Variants in ATP8A2 observed in about 807,000 individuals in gnomAD.
ATP8A2 encodes ATPase phospholipid transporting 8A2.
ATP8A2 carries 100 observed loss-of-function variants against 165.6 expected under a neutral mutation model. That is an observed-to-expected ratio of 0.60 (90% confidence interval 0.51 to 0.71). The LOEUF (loss-of-function observed/expected upper bound fraction) is 0.71. ATP8A2 is among the 30% of genes least tolerant of loss of function. The probability of loss-of-function intolerance (pLI) is 0.00; values close to 1 mark genes in which losing one functional copy is unlikely to be tolerated. For synonymous variants in ATP8A2, 543 were observed against 548.8 expected, an observed-to-expected ratio of 0.99 and a Z score of 0.15; for missense variants, 1,227 against 1,479.5, an observed-to-expected ratio of 0.83 and a Z score of 2.80.
At chr13:25,655,636 GCCT>G (rs1258370982) in intron 24 of ATP8A2, among the ~76,000 whole-genome samples, 1 of 151,830 alleles carries the variant, frequency 6.6e-6, no homozygotes, top group African/African-American at 2.4e-5. Flanking sequence ...GCTATCTGAT[GCCT>G]CTAACTGGGA....
At chr13:25,871,824 T>G (rs1306084503) in intron 33 of ATP8A2, among the ~76,000 whole-genome samples, 1 of 152,204 alleles carries the variant, frequency 6.6e-6, no homozygotes, top group African/African-American at 2.4e-5. Context: ...CGCTTGTGTC[T>G]GTGCTTGTAT....
intron 24 of ATP8A2, among the ~76,000 whole-genome samples, chr13:25,623,773 A>G (rs2041032921): frequency 6.6e-6 from 1 of 152,136 alleles, no homozygotes; most frequent in African/African-American, 2.4e-5. Flanking sequence ...ACGTGTATAT[A>G]TACACATGCA....
At chr13:25,944,048 G>A (rs1955144113) in intron 33 of ATP8A2, among the ~76,000 whole-genome samples, 1 of 152,182 alleles carries the variant, frequency 6.6e-6, no homozygotes, top group South Asian at 2.1e-4. Flanking sequence ...TTTATGTATG[G>A]TAAAGTCAGA....
intron 2 of ATP8A2, among the ~76,000 whole-genome samples, chr13:25,507,952 A>T (rs1253035455): frequency 6.6e-6 from 1 of 152,206 alleles, no homozygotes; most frequent in Non-Finnish European, 1.5e-5. Context: ...CCAGTGGGAA[A>T]ATGGGCAAAG....
chr13:25,829,993 A>G (rs1328499990), intron 28 of ATP8A2, among the ~76,000 whole-genome samples: 2 of 150,852 alleles, frequency 1.3e-5, no homozygotes, highest in African/African-American at 4.9e-5. Context: ...AATCTCAGAC[A>G]TATTGCAGTT....
intron 24 of ATP8A2, among the ~76,000 whole-genome samples, chr13:25,697,848 T>C (rs2042866739): frequency 6.6e-6 from 1 of 152,232 alleles, no homozygotes; most frequent in South Asian, 2.1e-4. Flanking sequence ...TGCAGGGCTC[T>C]AGACTACATC....
intron 25 of ATP8A2, among the ~76,000 whole-genome samples, chr13:25,739,233 C>T (rs956057120): frequency 1.3e-5 from 2 of 152,160 alleles, no homozygotes; most frequent in Non-Finnish European, 1.5e-5. Flanking sequence ...GGCACCTTGG[C>T]GATGCCTTTA....
Position 25,551,342 on chromosome 13 carries a change from C to T in ATP8A2, c.896C>T (p.Ser299Leu). ...TGHDTKLMQNSTKAPLKRSNV... is the reference protein window; with the variant it reads ...TGHDTKLMQNLTKAPLKRSNV... ...ACTTTCAATGCTGTTGTGTAGAATT[C>T]AACCAAAGCGCCTCTCAAGAGATCA... The change falls in exon 11 of 37, where the codon TCA (serine) becomes TTA (leucine). Residue 299 changes from serine to leucine, a missense_variant. Coordinates refer to ENST00000381655, the MANE Select transcript of ATP8A2 (RefSeq NM_016529.6). 1 of 1,613,302 alleles carries T rather than the reference C, an allele frequency of 6.2e-7. No individual in the cohort carries two copies. Among genetic ancestry groups the T allele is most frequent in the Non-Finnish European group, 8.5e-7 (1 of 1,179,476 alleles).
intron 1 of ATP8A2, among the ~76,000 whole-genome samples, chr13:25,386,734 C>A (rs1593238072): frequency 6.6e-6 from 1 of 152,128 alleles, no homozygotes; most frequent in South Asian, 2.1e-4. Context: ...CGGAGGCTCA[C>A]GCCTGTAATC....
chr13:26,003,303 A>AT (rs746507648), intron 35 of ATP8A2, among the ~76,000 whole-genome samples: 30 of 151,614 alleles, frequency 2.0e-4, no homozygotes, highest in Non-Finnish European at 3.7e-4. Flanking sequence ...CATTCTTCAT[A>AT]TACCTGTTGG....
intron 2 of ATP8A2, among the ~76,000 whole-genome samples, chr13:25,528,543 G>A (rs991309758): frequency 6.6e-6 from 1 of 152,124 alleles, no homozygotes; most frequent in Admixed American, 6.5e-5. Context: ...TCCAGGCTTG[G>A]TTGCTGTCCA....
chr13:25,413,652 A>G (rs1293511962), intron 1 of ATP8A2, among the ~76,000 whole-genome samples: 1 of 152,210 alleles, frequency 6.6e-6, no homozygotes, highest in East Asian at 1.9e-4. Context: ...CCTTAAGTGT[A>G]GTGTGGAGTT....
At chr13:25,475,731 A>G (rs1361491178) in intron 2 of ATP8A2, among the ~76,000 whole-genome samples, 1 of 152,092 alleles carries the variant, frequency 6.6e-6, no homozygotes, top group African/African-American at 2.4e-5. Context: ...GATGGTACTC[A>G]TTGTGGTTTT....
chr13:25,670,393 G>A (rs1306591499), intron 24 of ATP8A2, among the ~76,000 whole-genome samples: 1 of 152,174 alleles, frequency 6.6e-6, no homozygotes, highest in African/African-American at 2.4e-5. Flanking sequence ...TGAGCCCTGG[G>A]AGCTGGATGG....
chr13:25,614,541 G>A (rs1387978221), intron 24 of ATP8A2, among the ~76,000 whole-genome samples: 1 of 152,080 alleles, frequency 6.6e-6, no homozygotes, highest in Non-Finnish European at 1.5e-5. Context: ...CCATTGCTAT[G>A]AGCTAGTGTG....
Position 25,372,762 on chromosome 13 carries a change from G to C in ATP8A2, c.76+474G>C, listed in dbSNP as rs995982623. Among the ~76,000 whole-genome samples, 3 of 152,198 alleles carry C rather than the reference G, an allele frequency of 2.0e-5. No homozygotes were observed. The highest frequency in any genetic ancestry group is 4.4e-5 in the Non-Finnish European group (3 of 68,026). ...GAAAAAGGCATCCGAAGGGTCCCTC[G>C]AGTGATTCTCACCACTTGGAGCCCC... On this transcript the variant is annotated intron_variant, in intron 1 of 36. Coordinates refer to ENST00000381655, the MANE Select transcript of ATP8A2 (RefSeq NM_016529.6). The surrounding 1 kb of genome is among the most constrained non-coding windows in gnomAD (Gnocchi z 4.8).
chr13:25,780,370 G>T (rs955117358), intron 27 of ATP8A2, among the ~76,000 whole-genome samples: 3 of 152,068 alleles, frequency 2.0e-5, no homozygotes, highest in Non-Finnish European at 2.9e-5. Flanking sequence ...ACACATACAA[G>T]AAATTTTAGT....
chr13:25,450,970 G>A (rs2035209318), intron 1 of ATP8A2, among the ~76,000 whole-genome samples: 1 of 152,052 alleles, frequency 6.6e-6, no homozygotes, highest in Non-Finnish European at 1.5e-5. Context: ...TTGAGCTTCT[G>A]GACCTTTGGG....
At chr13:25,847,510 G>A (rs144247346) in intron 30 of ATP8A2, among the ~76,000 whole-genome samples, 109 of 152,248 alleles carry the variant, frequency 7.2e-4, no homozygotes, top group Admixed American at 1.5e-3. Context: ...TGTGTTGCGC[G>A]TATTTTAGAC....
Sources: gnomAD v4.1 joint callset for allele counts (sites outside exome capture counted in the v4.1 genomes callset) on GRCh38, gnomAD v4.1.1 for gene constraint, Gnocchi (gnomAD v3.1) non-coding constraint, MANE v1.5 for transcripts, NCBI Gene and HGNC (gene_info 2026-07-23, HGNC 2026-07-21) for gene names.